The following LRRC8A variants were observed in gnomAD, a reference collection of about 807,000 sequenced individuals.
LRRC8A encodes the protein volume-regulated anion channel subunit LRRC8A.
LRRC8A carries 24 observed loss-of-function variants against 52.5 expected under a neutral mutation model. The observed-to-expected ratio is 0.46, with a 90% CI of 0.33 to 0.64. LRRC8A has a LOEUF of 0.64. Among genes scored for constraint, LRRC8A ranks in the 30% least tolerant of loss-of-function variants. The probability of loss-of-function intolerance (pLI) is 0.02; values close to 1 mark genes in which losing one functional copy is unlikely to be tolerated. For synonymous variants in LRRC8A, 492 were observed against 494.2 expected, an observed-to-expected ratio of 1.00 and a Z score of 0.06; for missense variants, 677 against 1,094.7, an observed-to-expected ratio of 0.62 and a Z score of 5.38.
rs961382267 is a variant in LRRC8A at position 128,889,747 on chromosome 9, T to G, written c.-9+3626T>G. Among the ~76,000 whole-genome samples the G allele has an allele frequency of 4.6e-5, 7 of 151,908 alleles. No individual in the cohort carries two copies. In the East Asian group the frequency reaches 9.7e-4, roughly 21 times the overall value. ...CTGACCTTGTGATCCACCCACCTTG[T>G]TCTCCAAAGTTCCAGGACTACAGCC... is the stretch of plus-strand genomic sequence containing the variant. On this transcript the variant is annotated intron_variant, in intron 2 of 3. Coordinates refer to ENST00000372600, the MANE Select transcript of LRRC8A (RefSeq NM_019594.4).
At chr9:128,890,130 TTGTGTGTGTGTGTGTGTGTGTG>T (rs57721007) in intron 2 of LRRC8A, among the ~76,000 whole-genome samples, 1 of 128,210 alleles carries the variant, frequency 7.8e-6, no homozygotes, top group Admixed American at 8.7e-5. Flanking sequence ...TGGCTTCATT[TTGTGTGTGTGTGTGTGTGTGTG>T]TGTGTGTGTG....
rs1444500951 is a variant in LRRC8A at position 128,911,926 on chromosome 9, C to T, written c.2157+2605C>T. On this transcript the variant is annotated intron_variant, in intron 3 of 3. Coordinates refer to ENST00000372600, the MANE Select transcript of LRRC8A (RefSeq NM_019594.4). This position sits in a 1 kb window ranked among gnomAD's most constrained non-coding sequence, Gnocchi z 4.9. Reference sequence around the variant, plus strand: ...CCTCCTCACTCGGGCTTGATGGCTCCTTCTCAGCCACCTTGGCCAGTGGTG... The same window carrying T: ...CCTCCTCACTCGGGCTTGATGGCTCTTTCTCAGCCACCTTGGCCAGTGGTG... 6.6e-6 allele frequency among the ~76,000 whole-genome samples: 1 copy of T among 152,258 alleles called. No homozygotes were observed. Among genetic ancestry groups the T allele is most frequent in the Non-Finnish European group, 1.5e-5 (1 of 68,044 alleles).
intron 2 of LRRC8A, among the ~76,000 whole-genome samples, chr9:128,890,304 C>T (rs773109581): frequency 1.3e-5 from 2 of 152,094 alleles, no homozygotes; most frequent in Non-Finnish European, 1.5e-5. Flanking sequence ...TTGCGTCTTG[C>T]AGCAAGTTTG....
In LRRC8A at chr9:128,907,822, G is replaced by A. The variant is rs781228597; in HGVS notation, c.658G>A (p.Glu220Lys). 2 of 1,614,040 alleles carry A rather than the reference G, an allele frequency of 1.2e-6. No homozygotes were observed. Among genetic ancestry groups the A allele is most frequent in the African/African-American group, 1.3e-5 (1 of 75,048 alleles). ...GCTGCAGCGGACCAAGTCACGGATC[G>A]AGCAGGGTATCGTGGACCGCTCAGA... Reference protein sequence around the residue: ...PMLQRTKSRIEQGIVDRSETG... With the variant: ...PMLQRTKSRIKQGIVDRSETG... Residue 220 changes from glutamate (E) to lysine (K), a missense_variant, in exon 3 of 4, where the codon GAG (glutamate) becomes AAG (lysine). Physicochemically the swap from Glu to Lys is moderately conservative, Grantham distance 56. Transcript: ENST00000372600. The surrounding 1 kb of genome is among the most constrained non-coding windows in gnomAD (Gnocchi z 9.3).
chr9:128,908,850 C>T lies in LRRC8A; in HGVS notation c.1686C>T (p.Val562=). The part of the protein sequence containing the change: ...KSNLSKLPQV[V]TDVGVHLQKL... ...ACCTAAGCAAGCTGCCACAGGTGGT[C>T]ACAGATGTGGGCGTGCACCTGCAGA... is the stretch of plus-strand genomic sequence containing the variant. Residue 562 remains valine, a synonymous_variant, in exon 3 of 4, where the codon GTC becomes GTT. Coordinates refer to ENST00000372600, the MANE Select transcript of LRRC8A (RefSeq NM_019594.4). 1 of 1,613,756 alleles carries T rather than the reference C, an allele frequency of 6.2e-7. No individual in the cohort carries two copies.
chr9:128,909,201 C>T lies in LRRC8A; in HGVS notation c.2037C>T (p.Thr679=). Residue 679 remains threonine (T), a synonymous_variant, in exon 3 of 4, where the codon ACC becomes ACT. Transcript: ENST00000372600. ...LNRNKIEKIP[T]QLFYCRKLRY... is the part of the protein sequence containing the mutation. The stretch of plus-strand genomic sequence containing the variant: ...GCAACAAGATCGAGAAGATCCCCAC[C>T]CAGCTCTTCTACTGCCGCAAGCTGC... The T allele has an allele frequency of 9.9e-6, 16 of 1,614,162 alleles. No individual in the cohort carries two copies. The highest frequency in any genetic ancestry group is 1.4e-5 in the Non-Finnish European group (16 of 1,180,040).
intron 1 of LRRC8A, among the ~76,000 whole-genome samples, chr9:128,884,031 C>A (rs900414280): frequency 6.6e-6 from 1 of 152,020 alleles, no homozygotes; most frequent in Non-Finnish European, 1.5e-5. Context: ...GACTTCCCCC[C>A]AGAACTTGAC....
Position 128,916,255 on chromosome 9 carries a change from C to T in LRRC8A, c.2317C>T (p.Leu773=), listed in dbSNP as rs531989271. ...CCGGCTGGAGTGCCTGCCTGTGGAG[C>T]TGGGCGAGTGCCCACTGCTCAAGCG... is the stretch of plus-strand genomic sequence containing the variant. ...GNRLECLPVE[L]GECPLLKRSG... is the part of the protein sequence containing the mutation. Residue 773 remains leucine (L), a synonymous_variant, in exon 4 of 4, where the codon CTG becomes TTG. Coordinates refer to ENST00000372600, the MANE Select transcript of LRRC8A (RefSeq NM_019594.4). This position sits in a 1 kb window ranked among gnomAD's most constrained non-coding sequence, Gnocchi z 6.1. The T allele has an allele frequency of 5.6e-6, 9 of 1,613,722 alleles. No homozygotes were observed. The South Asian group carries it at 9.9e-5, about 18-fold the overall frequency.
rs570032783 is a variant in LRRC8A, at chr9:128,894,785, T to C, written c.-9+8664T>C. ...TCCAGCCTTGGCAACAGAGTGAGACTCTACCTCAAAAAAAAAAAAAAAAAG... is the reference window on the plus strand; with the variant it reads ...TCCAGCCTTGGCAACAGAGTGAGACCCTACCTCAAAAAAAAAAAAAAAAAG... On this transcript the variant is annotated intron_variant, in intron 2 of 3. Transcript: ENST00000372600. Among the ~76,000 whole-genome samples, 6 of 71,388 alleles carry C rather than the reference T, an allele frequency of 8.4e-5. 1 individual carries two copies. In the East Asian group the frequency reaches 1.9e-3, roughly 22 times the overall value. 46.8% of individuals were successfully genotyped at this position (71,388 alleles called of 152,430 possible).
At chr9:128,897,155 C>T (rs1005617182) in intron 2 of LRRC8A, among the ~76,000 whole-genome samples, 3 of 152,164 alleles carry the variant, frequency 2.0e-5, no homozygotes, top group African/African-American at 4.8e-5. Context: ...CAATACGTTA[C>T]GTTTCCTATA....
intron 3 of LRRC8A, among the ~76,000 whole-genome samples, chr9:128,910,554 A>T (rs1030157761): frequency 1.3e-5 from 2 of 152,172 alleles, no homozygotes; most frequent in African/African-American, 4.8e-5. Flanking sequence ...TGATCCAGGC[A>T]TGGTGGCATG....
chr9:128,906,480 G>T (rs919315506), intron 2 of LRRC8A, among the ~76,000 whole-genome samples: 8 of 151,962 alleles, frequency 5.3e-5, no homozygotes, highest in Non-Finnish European at 1.0e-4. Flanking sequence ...CCGCCACTAC[G>T]CCAGGCTAAT....
At chr9:128,910,168 G>A (rs1588225392) in intron 3 of LRRC8A, among the ~76,000 whole-genome samples, 1 of 152,172 alleles carries the variant, frequency 6.6e-6, no homozygotes, top group African/African-American at 2.4e-5. Flanking sequence ...TGCCATTGTG[G>A]GGAACGTCCC....
At chr9:128,893,486 G>A (rs1464221090) in intron 2 of LRRC8A, among the ~76,000 whole-genome samples, 1 of 152,174 alleles carries the variant, frequency 6.6e-6, no homozygotes, top group Admixed American at 6.5e-5. Context: ...AGGCTCTGAG[G>A]CCCCAGTGAG....
intron 1 of LRRC8A, chr9:128,882,533 C>A: frequency 2.5e-6 from 1 of 395,998 alleles, no homozygotes; most frequent in Non-Finnish European, 4.4e-6. Flanking sequence ...TCCGCCTCGG[C>A]TCCCCCATGT....
chr9:128,895,084 T>C (rs554259324), intron 2 of LRRC8A, among the ~76,000 whole-genome samples: 2 of 152,332 alleles, frequency 1.3e-5, no homozygotes, highest in African/African-American at 4.8e-5. Context: ...AATCAAAGTA[T>C]TTGCCTTTTA....
chr9:128,906,571 C>T (rs761930369), intron 2 of LRRC8A, among the ~76,000 whole-genome samples: 3 of 152,158 alleles, frequency 2.0e-5, no homozygotes, highest in Admixed American at 6.6e-5. Context: ...GATCCACCCA[C>T]CTCGGCCTCC....
chr9:128,905,354 C>T (rs779443553), intron 2 of LRRC8A, among the ~76,000 whole-genome samples: 8 of 152,142 alleles, frequency 5.3e-5, no homozygotes, highest in South Asian at 2.1e-4. Flanking sequence ...CTTATCCCTC[C>T]GTGACAGCCA....
chr9:128,907,382 C>A lies in LRRC8A; in HGVS notation c.218C>A (p.Ala73Glu). Residue 73 changes from alanine to glutamate, a missense_variant, in exon 3 of 4, where the codon GCA becomes GAA. Ala to Glu is a moderately radical substitution (Grantham distance 107). Around this residue, in one of 4 missense-constraint regions of LRRC8A, gnomAD observed 54 missense variants for 49.7 expected, o/e 1.09. Transcript: ENST00000372600. The surrounding 1 kb of genome is among the most constrained non-coding windows in gnomAD (Gnocchi z 9.3). Reference protein sequence around the residue: ...DSCNDSFRGWAAPGPEPTYPN... With the variant: ...DSCNDSFRGWEAPGPEPTYPN... ...TGCAATGATTCGTTCCGGGGCTGGG[C>A]AGCCCCTGGCCCGGAGCCCACCTAC... is the stretch of plus-strand genomic sequence containing the variant. 6.2e-7 allele frequency: 1 copy of A among 1,613,506 alleles called. No homozygotes were observed. The highest frequency in any genetic ancestry group is 8.5e-7 in the Non-Finnish European group (1 of 1,179,994).
Sources: allele counts gnomAD v4.1 joint callset (sites outside exome capture counted in the v4.1 genomes callset), GRCh38; gene constraint gnomAD v4.1.1; regional missense constraint gnomAD v4.1.1; non-coding constraint Gnocchi (gnomAD v3.1); transcripts MANE v1.5; gene names NCBI Gene and HGNC (gene_info 2026-07-23, HGNC 2026-07-21).